Variants in ZNF207 observed in about 807,000 individuals in gnomAD.
The protein encoded by ZNF207 is zinc finger protein 207.
A neutral mutation model predicts 60.2 loss-of-function variants in ZNF207; 24 were observed. That is an observed-to-expected ratio of 0.40 (90% CI 0.29 to 0.56). The LOEUF is 0.56. Ranked by LOEUF, ZNF207 falls within the 20% of genes least tolerant of loss-of-function variation. ZNF207 has a pLI of 0.49. For missense variants in ZNF207, 452 were observed against 636.6 expected, an observed-to-expected ratio of 0.71 and a Z score of 3.12; for synonymous variants, 236 against 194.7, an observed-to-expected ratio of 1.21 and a Z score of -1.77.
chr17:32,374,380 G>C lies in ZNF207; in HGVS notation c.*4621G>C, dbSNP rs1905601339. ...CTACAGGTGCTTGCCACCACACCCG[G>C]CTAATTTTTTGTATTTTTAGTAGAG... is the stretch of plus-strand genomic sequence containing the variant. On this transcript the variant is annotated 3_prime_UTR_variant, in exon 12 of 12. Coordinates refer to ENST00000394670, the MANE Select transcript of ZNF207 (RefSeq NM_001098507.2). 6.6e-6 allele frequency: 1 copy of C among 151,804 alleles called. No individual in the cohort carries two copies. Among genetic ancestry groups the C allele is most frequent in the Admixed American group, 6.6e-5 (1 of 15,204 alleles). 9.4% of individuals were successfully genotyped at this position (151,804 alleles called of 1,614,324 possible).
rs1905632666 is a variant in ZNF207, at chr17:32,375,088, T to C, written c.*5329T>C. 6.6e-6 allele frequency: 1 copy of C among 152,188 alleles called. No individual in the cohort carries two copies. Among genetic ancestry groups the C allele is most frequent in the Admixed American group, 6.6e-5 (1 of 15,264 alleles). The allele number at this position is 152,188 out of a possible 1,614,324, so 9.4% of individuals were successfully genotyped here. A position where few individuals can be genotyped will look rare whatever the true frequency, so the allele number is the denominator to read the frequency against. On this transcript the variant is annotated 3_prime_UTR_variant, in exon 12 of 12. Coordinates refer to ENST00000394670, the MANE Select transcript of ZNF207 (RefSeq NM_001098507.2). Reference sequence around the variant, plus strand: ...GAGCAGTAACAATGAACAAGCAGTATAGCATTTAGCAAACCTGGAATTGTT... The same window carrying C: ...GAGCAGTAACAATGAACAAGCAGTACAGCATTTAGCAAACCTGGAATTGTT...
chr17:32,379,350 A>G lies in ZNF207; in HGVS notation c.*9591A>G, dbSNP rs1905795422. 1.3e-5 allele frequency: 2 copies of G among 152,090 alleles called. No homozygotes were observed. The highest frequency in any genetic ancestry group is 1.5e-5 in the Non-Finnish European group (1 of 67,952). 9.4% of individuals were successfully genotyped at this position (152,090 alleles called of 1,614,324 possible). On this transcript the variant is annotated 3_prime_UTR_variant, in exon 12 of 12. Transcript: ENST00000394670. ...CTTGAATCAAGAATATTAGAAAATT[A>G]TTTTACCACCTGGCATTTCCCTTTT...
chr17:32,351,956 A>G (rs780699409), intron 2 of ZNF207, 44 bp downstream of exon 2: 1 of 1,472,912 alleles, frequency 6.8e-7, no homozygotes, highest in Non-Finnish European at 9.1e-7. Context: ...TGTGATTTGG[A>G]AACAACTTGA....
At chr17:32,361,588 G>T (rs1014216973) in intron 6 of ZNF207, 73 bp downstream of exon 6, 8 of 1,415,366 alleles carry the variant, frequency 5.7e-6, no homozygotes, top group African/African-American at 1.4e-5. Flanking sequence ...GTGTTTAATG[G>T]TATCTATTCA....
At chr17:32,362,689 A>T (rs981667917) in intron 6 of ZNF207, 25 of 376,544 alleles carry the variant, frequency 6.6e-5, no homozygotes, top group African/African-American at 3.4e-4. Context: ...TTTTGTCAAC[A>T]TTTTTTTTTT....
intron 10 of ZNF207, 85 bp downstream of exon 10, chr17:32,368,099 TA>T: frequency 1.3e-6 from 2 of 1,553,468 alleles, no homozygotes; most frequent in Non-Finnish European, 1.7e-6. Flanking sequence ...TGTTCATTTG[TA>T]CTCAGATGGT....
intron 2 of ZNF207, among the ~76,000 whole-genome samples, chr17:32,357,516 T>G (rs1904614536): frequency 2.0e-5 from 3 of 151,298 alleles, no homozygotes; most frequent in Admixed American, 1.3e-4. Flanking sequence ...GCCCGGCTAA[T>G]TTTTGTATTT....
At chr17:32,359,220 C>T (rs1453155393) in intron 3 of ZNF207, among the ~76,000 whole-genome samples, 1 of 152,204 alleles carries the variant, frequency 6.6e-6, no homozygotes, top group African/African-American at 2.4e-5. Context: ...TCAAGCAATT[C>T]TCCTGCCTCA....
intron 9 of ZNF207, among the ~76,000 whole-genome samples, chr17:32,367,041 C>A (rs949086296): frequency 6.6e-6 from 1 of 151,504 alleles, no homozygotes; most frequent in African/African-American, 2.4e-5. Context: ...TGATTTAATG[C>A]TGTTTAATGC....
chr17:32,352,768 T>C (rs1322357979), intron 2 of ZNF207, among the ~76,000 whole-genome samples: 2 of 152,250 alleles, frequency 1.3e-5, no homozygotes, highest in Non-Finnish European at 2.9e-5. Flanking sequence ...TGGTTATGGC[T>C]CACTGCAGCC....
intron 7 of ZNF207, 133 bp downstream of exon 7, chr17:32,363,117 A>G (rs1904974597): frequency 1.7e-5 from 11 of 640,518 alleles, no homozygotes; most frequent in South Asian, 2.6e-5. Context: ...GAAGTGTTAT[A>G]TGGACCCTTT....
At chr17:32,368,090 G>A (rs1905284783) in intron 10 of ZNF207, 76 bp downstream of exon 10, 6 of 1,572,962 alleles carry the variant, frequency 3.8e-6, no homozygotes, top group Middle Eastern at 3.4e-4. Flanking sequence ...TAAAATAAGT[G>A]TTCATTTGTA....
At chr17:32,357,866 C>T (rs1285418477) in intron 2 of ZNF207, among the ~76,000 whole-genome samples, 1 of 151,656 alleles carries the variant, frequency 6.6e-6, no homozygotes, top group Non-Finnish European at 1.5e-5. Context: ...GTGGTGTGAC[C>T]TCTGCTCACT....
In ZNF207 at chr17:32,379,109, C is replaced by T. The variant is rs1296384528; in HGVS notation, c.*9350C>T. On this transcript the variant is annotated 3_prime_UTR_variant, in exon 12 of 12. Transcript: ENST00000394670. ...TTTTTAATGTAAAATTGCACAAGGG[C>T]TTAAGTTTCATTGCCTTTCACAGTT... 6.6e-6 allele frequency: 1 copy of T among 151,988 alleles called. No homozygotes were observed. The highest frequency in any genetic ancestry group is 2.4e-5 in the African/African-American group (1 of 41,406). The allele number at this position is 151,988 out of a possible 1,614,324, so 9.4% of individuals were successfully genotyped here. A position where few individuals can be genotyped will look rare whatever the true frequency, so the allele number is the denominator to read the frequency against.
chr17:32,361,520 G>A lies in ZNF207; in HGVS notation c.599+5G>A, dbSNP rs755548870. On this transcript the variant is annotated splice_donor_5th_base_variant and intron_variant, in intron 6 of 11. Coordinates refer to ENST00000394670, the MANE Select transcript of ZNF207 (RefSeq NM_001098507.2). Reference sequence around the variant, plus strand: ...GTCATTTTGCGGTGAAAACATGTAAGCATCTCATTCATAATGTAATTCAGG... The same window carrying A: ...GTCATTTTGCGGTGAAAACATGTAAACATCTCATTCATAATGTAATTCAGG... The A allele has an allele frequency of 1.2e-6, 2 of 1,605,378 alleles. No homozygotes were observed. Among genetic ancestry groups the A allele is most frequent in the Non-Finnish European group, 8.5e-7 (1 of 1,175,300 alleles).
chr17:32,366,751 A>G lies in ZNF207; in HGVS notation c.915A>G (p.Thr305=). The change falls in exon 9 of 12, where the codon ACA becomes ACG. Residue 305 remains threonine (T), a synonymous_variant. Coordinates refer to ENST00000394670, the MANE Select transcript of ZNF207 (RefSeq NM_001098507.2). The stretch of plus-strand genomic sequence containing the variant: ...CTTCTAAAGCTCTGTTTCCTAGCAC[A>G]GCACAAGTACGCAGGAAGTTGCAGT... ...SASSKALFPS[T]AQAQAAVQGP... is the part of the protein sequence containing the mutation. 1.2e-6 allele frequency: 2 copies of G among 1,605,240 alleles called. No homozygotes were observed. The highest frequency in any genetic ancestry group is 1.7e-6 in the Non-Finnish European group (2 of 1,176,656).
In ZNF207 at chr17:32,379,905, A is replaced by G. The variant is rs901553351; in HGVS notation, c.*10146A>G. ...TATTTTTTCCCTCTAGTTTTTAACT[A>G]TATCCTAGATTAAAACCAGCATATG... On this transcript the variant is annotated 3_prime_UTR_variant, in exon 12 of 12. Transcript: ENST00000394670. 6.6e-6 allele frequency: 1 copy of G among 152,214 alleles called. No individual in the cohort carries two copies. Among genetic ancestry groups the G allele is most frequent in the Non-Finnish European group, 1.5e-5 (1 of 68,022 alleles). The allele number at this position is 152,214 out of a possible 1,614,324, so 9.4% of individuals were successfully genotyped here. A position where few individuals can be genotyped will look rare whatever the true frequency, so the allele number is the denominator to read the frequency against.
At chr17:32,364,212 C>CTCTT (rs908848748) in intron 7 of ZNF207, among the ~76,000 whole-genome samples, 1 of 151,920 alleles carries the variant, frequency 6.6e-6, no homozygotes, top group African/African-American at 2.4e-5. Flanking sequence ...TTCCCAGAAG[C>CTCTT]TCTTTAGCTC....
chr17:32,354,933 A>G (rs1243818628), intron 2 of ZNF207, among the ~76,000 whole-genome samples: 1 of 152,046 alleles, frequency 6.6e-6, no homozygotes, highest in African/African-American at 2.4e-5. Context: ...TTTTAAAAGG[A>G]TTTTTCTGGC....
Sources: allele counts gnomAD v4.1 joint callset (sites outside exome capture counted in the v4.1 genomes callset), GRCh38; gene constraint gnomAD v4.1.1; transcripts MANE v1.5; gene names NCBI Gene and HGNC (gene_info 2026-07-23, HGNC 2026-07-21).